The following NPSR1 variants were observed in gnomAD, a reference collection of about 807,000 sequenced individuals.
NPSR1 encodes neuropeptide S receptor 1, also known as neuropeptide S receptor.
In NPSR1, 48 loss-of-function variants were observed where a neutral mutation model predicts 46.9. That is an observed-to-expected ratio of 1.02 (90% CI 0.81 to 1.30). NPSR1 has a LOEUF of 1.30. Ranked by LOEUF, NPSR1 falls within the 50% of genes most tolerant of loss-of-function variation. The pLI, the probability that NPSR1 is intolerant of heterozygous loss-of-function variation, is 0.00. For missense variants in NPSR1, 450 were observed against 449.5 expected (o/e 1.00, Z -0.01); for synonymous variants, 176 against 168.1 (o/e 1.05, Z -0.36).
At chr7:34,769,535 T>C (rs1188206571) in intron 2 of NPSR1, among the ~76,000 whole-genome samples, 4 of 152,226 alleles carry the variant, frequency 2.6e-5, no homozygotes, top group African/African-American at 9.6e-5. Flanking sequence ...CTAGCTCCTA[T>C]TTAGGCTTCA....
At chr7:34,858,606 T>C (rs1278507143) in intron 8 of NPSR1, among the ~76,000 whole-genome samples, 3 of 151,892 alleles carry the variant, frequency 2.0e-5, no homozygotes, top group African/African-American at 7.3e-5. Flanking sequence ...TTATTGGACT[T>C]ACAGTTCCAC....
intron 2 of NPSR1, among the ~76,000 whole-genome samples, chr7:34,747,694 C>T (rs1021609498): frequency 1.3e-5 from 2 of 152,140 alleles, no homozygotes; most frequent in Non-Finnish European, 2.9e-5. Flanking sequence ...TTTTCTAAAG[C>T]TTAAAGATGA....
rs375440531 is a variant in NPSR1 at position 34,778,525 on chromosome 7, C to T, written c.344C>T (p.Thr115Met). Reference sequence around the variant, plus strand: ...AATTGGCGATTCACTGGAGACTTCACGGCACCTGACCTGGTTTGCCGAGTG... The same window carrying T: ...AATTGGCGATTCACTGGAGACTTCATGGCACCTGACCTGGTTTGCCGAGTG... The part of the protein sequence containing the change: ...DINWRFTGDF[T>M]APDLVCRVVR... Residue 115 changes from threonine to methionine, a missense_variant, in exon 3 of 9, where the codon ACG becomes ATG. By Grantham distance (81) the Thr-to-Met change is moderately conservative. Transcript: ENST00000360581. 1.7e-5 allele frequency: 27 copies of T among 1,612,576 alleles called. No individual in the cohort carries two copies. Among genetic ancestry groups the T allele is most frequent in the South Asian group, 1.6e-4 (15 of 91,018 alleles).
At chr7:34,836,743 A>G (rs1790389316) in intron 6 of NPSR1, among the ~76,000 whole-genome samples, 1 of 149,754 alleles carries the variant, frequency 6.7e-6, no homozygotes, top group African/African-American at 2.4e-5. Context: ...AGATGGGTAG[A>G]AGAAGAGAGG....
rs538218029 is a variant in NPSR1, at chr7:34,727,538, G to T, written c.280+42854G>T. Reference sequence around the variant, plus strand: ...GGACACCACTTTGCTACCTGGATAAGTTCATGTAGCAACCACCACAATATC... The same window carrying T: ...GGACACCACTTTGCTACCTGGATAATTTCATGTAGCAACCACCACAATATC... On this transcript the variant is annotated intron_variant, in intron 2 of 8. Coordinates refer to ENST00000360581, the MANE Select transcript of NPSR1 (RefSeq NM_207172.2). 2.0e-5 allele frequency among the ~76,000 whole-genome samples: 3 copies of T among 152,320 alleles called. No individual in the cohort carries two copies. The South Asian group carries it at 6.2e-4, about 32-fold the overall frequency.
chr7:34,729,103 C>G (rs1216990047), intron 2 of NPSR1, among the ~76,000 whole-genome samples: 1 of 152,106 alleles, frequency 6.6e-6, no homozygotes, highest in Non-Finnish European at 1.5e-5. Flanking sequence ...CCCTTCTGAG[C>G]CTCTCCCAGG....
chr7:34,746,456 T>A (rs969571772), intron 2 of NPSR1, among the ~76,000 whole-genome samples: 11 of 152,208 alleles, frequency 7.2e-5, no homozygotes, highest in African/African-American at 2.4e-4. Context: ...TTTATCATAG[T>A]TATGTATGTA....
At chr7:34,750,055 GT>G (rs770986409) in intron 2 of NPSR1, among the ~76,000 whole-genome samples, 28 of 151,348 alleles carry the variant, frequency 1.9e-4, no homozygotes, top group Non-Finnish European at 3.7e-4. Flanking sequence ...ATATTCCAAA[GT>G]GAAAGCAGCT....
intron 4 of NPSR1, among the ~76,000 whole-genome samples, chr7:34,819,016 CTTCATGACTAAAACA>C (rs1789406991): frequency 2.0e-5 from 3 of 152,134 alleles, no homozygotes; most frequent in Non-Finnish European, 4.4e-5. Flanking sequence ...TGGGCAAAGA[CTTCATGACTAAAACA>C]CCAAAAGCAA....
chr7:34,701,738 C>A (rs1793841417), intron 2 of NPSR1, among the ~76,000 whole-genome samples: 1 of 152,090 alleles, frequency 6.6e-6, no homozygotes. Context: ...TTATATCTGG[C>A]TTTTCTGAGG....
chr7:34,749,872 G>C (rs568219959), intron 2 of NPSR1, among the ~76,000 whole-genome samples: 1 of 152,110 alleles, frequency 6.6e-6, no homozygotes, highest in Non-Finnish European at 1.5e-5. Context: ...CTCTTTCTGT[G>C]TTTGCCCTTA....
intron 8 of NPSR1, among the ~76,000 whole-genome samples, chr7:34,872,246 G>A (rs1269747889): frequency 2.6e-5 from 4 of 151,982 alleles, no homozygotes; most frequent in Non-Finnish European, 2.9e-5. Flanking sequence ...AGTCATGCCT[G>A]AAGCCAGAGT....
intron 2 of NPSR1, among the ~76,000 whole-genome samples, chr7:34,707,387 T>C (rs974804881): frequency 2.6e-5 from 4 of 152,174 alleles, no homozygotes; most frequent in African/African-American, 9.7e-5. Context: ...ATAATAGAAA[T>C]AGCTGGCTTC....
At chr7:34,677,792 T>C (rs914138821) in intron 1 of NPSR1, among the ~76,000 whole-genome samples, 2 of 152,172 alleles carry the variant, frequency 1.3e-5, no homozygotes, top group African/African-American at 4.8e-5. Flanking sequence ...TGAGCAAATT[T>C]CTGTGGGAGG....
At chr7:34,818,967 T>C (rs528102992) in intron 4 of NPSR1, among the ~76,000 whole-genome samples, 2 of 152,202 alleles carry the variant, frequency 1.3e-5, no homozygotes, top group East Asian at 3.9e-4. Flanking sequence ...ATAAAAACCC[T>C]AGAAGAAAAC....
At chr7:34,759,286 T>C (rs1017513626) in intron 2 of NPSR1, among the ~76,000 whole-genome samples, 1 of 152,232 alleles carries the variant, frequency 6.6e-6, no homozygotes, top group Non-Finnish European at 1.5e-5. Flanking sequence ...TTCCAAATGA[T>C]GATTTTCTAA....
chr7:34,745,704 G>C (rs746671304), intron 2 of NPSR1, among the ~76,000 whole-genome samples: 16 of 152,082 alleles, frequency 1.1e-4, no homozygotes, highest in Admixed American at 2.0e-4. Context: ...TCTGGAGATA[G>C]GGTCTCACTC....
chr7:34,762,673 C>G (rs887675247), intron 2 of NPSR1, among the ~76,000 whole-genome samples: 3 of 152,170 alleles, frequency 2.0e-5, no homozygotes, highest in Non-Finnish European at 4.4e-5. Flanking sequence ...TTGAGTTGAG[C>G]TGGAAGCATT....
intron 6 of NPSR1, among the ~76,000 whole-genome samples, chr7:34,839,734 A>G (rs1766466410): frequency 6.6e-6 from 1 of 152,150 alleles, no homozygotes; most frequent in South Asian, 2.1e-4. Flanking sequence ...GCAGGTGGAG[A>G]TTCTGCCACG....
Sources: allele counts gnomAD v4.1 joint callset (sites outside exome capture counted in the v4.1 genomes callset), GRCh38; gene constraint gnomAD v4.1.1; transcripts MANE v1.5; gene names NCBI Gene and HGNC (gene_info 2026-07-23, HGNC 2026-07-21).